The following ADAM29 variants were observed in gnomAD, a reference collection of about 807,000 sequenced individuals.
ADAM29 encodes ADAM metallopeptidase domain 29, also known as disintegrin and metalloproteinase domain-containing protein 29.
For missense variants in ADAM29, 969 were observed against 1,001.8 expected (o/e 0.97, Z 0.44); for synonymous variants, 367 against 342.3 (o/e 1.07, Z -0.80).
intron 2 of ADAM29, among the ~76,000 whole-genome samples, chr4:174,928,402 G>A (rs946141789): frequency 7.9e-5 from 12 of 151,844 alleles, no homozygotes; most frequent in African/African-American, 2.9e-4. Flanking sequence ...GTAACTGACT[G>A]GTTAGTTACT....
At chr4:174,921,751 A>G (rs947430732) in intron 2 of ADAM29, among the ~76,000 whole-genome samples, 1 of 152,170 alleles carries the variant, frequency 6.6e-6, no homozygotes, top group Non-Finnish European at 1.5e-5. Flanking sequence ...AATATATGGA[A>G]GGTGTATTAT....
intron 4 of ADAM29, among the ~76,000 whole-genome samples, chr4:174,956,830 T>A (rs1189010997): frequency 8.6e-5 from 13 of 151,864 alleles, no homozygotes; most frequent in Admixed American, 1.3e-4. Flanking sequence ...CATAAATAGA[T>A]GATTTTATTA....
At chr4:174,965,901 T>C (rs528211531) in intron 4 of ADAM29, among the ~76,000 whole-genome samples, 2 of 152,290 alleles carry the variant, frequency 1.3e-5, no homozygotes, top group South Asian at 4.1e-4. Flanking sequence ...CACAATTTGG[T>C]CCACAGCATT....
chr4:174,934,351 T>C (rs1390947905), intron 3 of ADAM29, among the ~76,000 whole-genome samples: 1 of 152,132 alleles, frequency 6.6e-6, no homozygotes, highest in African/African-American at 2.4e-5. Context: ...ATCATAAAGT[T>C]TGTAGTTTCT....
At chr4:174,927,931 A>G (rs1743614311) in intron 2 of ADAM29, among the ~76,000 whole-genome samples, 1 of 152,146 alleles carries the variant, frequency 6.6e-6, no homozygotes, top group South Asian at 2.1e-4. Flanking sequence ...GGGAGACTTA[A>G]TCCTTTCTGA....
At chr4:174,930,755 A>T (rs543413248) in intron 2 of ADAM29, among the ~76,000 whole-genome samples, 3 of 152,246 alleles carry the variant, frequency 2.0e-5, no homozygotes, top group African/African-American at 7.2e-5. Context: ...GCCCACTAAC[A>T]CTGACAATTT....
chr4:174,957,295 G>A (rs994321306), intron 4 of ADAM29, among the ~76,000 whole-genome samples: 6 of 151,728 alleles, frequency 4.0e-5, no homozygotes, highest in Admixed American at 6.6e-5. Flanking sequence ...TTAATGCTAA[G>A]GATTATATTA....
chr4:174,934,386 G>A (rs1744085330), intron 3 of ADAM29, among the ~76,000 whole-genome samples: 1 of 152,004 alleles, frequency 6.6e-6, no homozygotes, highest in African/African-American at 2.4e-5. Context: ...TTCAGTATCA[G>A]AAATCTCAAA....
intron 4 of ADAM29, among the ~76,000 whole-genome samples, chr4:174,973,837 A>G (rs957063797): frequency 6.6e-6 from 1 of 152,196 alleles, no homozygotes; most frequent in Admixed American, 6.5e-5. Flanking sequence ...AAAAACAACG[A>G]GGCTTTGGTC....
Position 174,975,977 on chromosome 4 carries a change from A to G in ADAM29, c.452A>G (p.Lys151Arg). ...ACCACGTTTGAACATCTGGTATACA[A>G]GATGGACAGTGAGGAGAAACAATTT... is the stretch of plus-strand genomic sequence containing the variant. ...FSTTFEHLVY[K>R]MDSEEKQFST... Residue 151 changes from lysine to arginine, a missense_variant, in exon 5 of 5, where the codon AAG becomes AGG. Transcript: ENST00000359240. The G allele has an allele frequency of 1.9e-6, 3 of 1,614,130 alleles. No individual in the cohort carries two copies. Among genetic ancestry groups the G allele is most frequent in the Non-Finnish European group, 2.5e-6 (3 of 1,180,038 alleles).
chr4:174,942,745 A>T (rs1198679548), intron 4 of ADAM29, among the ~76,000 whole-genome samples: 1 of 152,176 alleles, frequency 6.6e-6, no homozygotes, highest in African/African-American at 2.4e-5. Context: ...GGCTATTAAC[A>T]TTCAGCTTCT....
chr4:174,933,068 G>A (rs900448183), intron 3 of ADAM29, among the ~76,000 whole-genome samples: 1 of 152,146 alleles, frequency 6.6e-6, no homozygotes, highest in African/African-American at 2.4e-5. Context: ...AAAGCAAACG[G>A]CTCTGAGGAT....
chr4:174,975,559 G>T lies in ADAM29; in HGVS notation c.34G>T (p.Val12Leu). ...GTTACTCCTGCTGCATTGCCTTGGG[G>T]TGTTTCTGTCCTGTTCTGGACACAT... ...KMLLLLHCLG[V>L]FLSCSGHIQD... Residue 12 changes from valine to leucine, a missense_variant, in exon 5 of 5, where the codon GTG becomes TTG. Val to Leu is a conservative substitution (Grantham distance 32, BLOSUM62 1). Transcript: ENST00000359240. 1.3e-6 allele frequency: 2 copies of T among 1,531,204 alleles called. No individual in the cohort carries two copies. Among genetic ancestry groups the T allele is most frequent in the Non-Finnish European group, 1.8e-6 (2 of 1,140,934 alleles). The allele number at this position is 1,531,204 out of a possible 1,614,324, so 94.9% of individuals were successfully genotyped here. A position where few individuals can be genotyped will look rare whatever the true frequency, so the allele number is the denominator to read the frequency against.
intron 4 of ADAM29, among the ~76,000 whole-genome samples, chr4:174,974,336 C>T (rs1263828678): frequency 6.6e-6 from 1 of 152,102 alleles, no homozygotes; most frequent in Admixed American, 6.6e-5. Flanking sequence ...TGTCTAGCAC[C>T]CAGTTTGGGA....
chr4:174,953,963 C>T (rs553345193), intron 4 of ADAM29, among the ~76,000 whole-genome samples: 7 of 152,286 alleles, frequency 4.6e-5, no homozygotes, highest in East Asian at 1.9e-4. Flanking sequence ...CCTCCTGCCT[C>T]GGCCTCCCAA....
Position 174,977,340 on chromosome 4 carries a change from G to C in ADAM29, c.1815G>C (p.Gly605=), listed in dbSNP as rs1442291406. The part of the protein sequence containing the change: ...IGEVKDGTEC[G]IDHICIHRHC... ...AAGTGAAAGATGGAACAGAGTGTGG[G>C]ATAGATCATATATGCATCCACAGGC... The change falls in exon 5 of 5, where the codon GGG becomes GGC. Residue 605 remains glycine (G), a synonymous_variant. Coordinates refer to ENST00000359240, the MANE Select transcript of ADAM29 (RefSeq NM_014269.4). 1 of 1,613,448 alleles carries C rather than the reference G, an allele frequency of 6.2e-7. No homozygotes were observed. The highest frequency in any genetic ancestry group is 1.3e-5 in the African/African-American group (1 of 74,908).
At chr4:174,965,973 C>A (rs888384801) in intron 4 of ADAM29, among the ~76,000 whole-genome samples, 1 of 152,166 alleles carries the variant, frequency 6.6e-6, no homozygotes, top group Non-Finnish European at 1.5e-5. Flanking sequence ...CCCTTGATAT[C>A]CAAGGAGGAT....
In ADAM29 at chr4:174,976,440, A is replaced by C; in HGVS notation, c.915A>C (p.Gly305=). Residue 305 remains glycine, a synonymous_variant, in exon 5 of 5, where the codon GGA becomes GGC. Coordinates refer to ENST00000359240, the MANE Select transcript of ADAM29 (RefSeq NM_014269.4). ...RGLSGIGAFR[G]MCTPHRSCAI... is the part of the protein sequence containing the mutation. Reference sequence around the variant, plus strand: ...TAAGTGGCATAGGAGCTTTTAGAGGAATGTGTACACCACACCGTAGTTGTG... The same window carrying C: ...TAAGTGGCATAGGAGCTTTTAGAGGCATGTGTACACCACACCGTAGTTGTG... 1 of 1,601,238 alleles carries C rather than the reference A, an allele frequency of 6.2e-7. No individual in the cohort carries two copies. Among genetic ancestry groups the C allele is most frequent in the Non-Finnish European group, 8.5e-7 (1 of 1,174,834 alleles).
intron 4 of ADAM29, among the ~76,000 whole-genome samples, chr4:174,969,570 A>C (rs1377902043): frequency 6.6e-6 from 1 of 152,012 alleles, no homozygotes; most frequent in Non-Finnish European, 1.5e-5. Context: ...ACAGTAAACT[A>C]TATAAAATAA....
Sources: gnomAD v4.1 joint callset for allele counts (sites outside exome capture counted in the v4.1 genomes callset) on GRCh38, gnomAD v4.1.1 for gene constraint, MANE v1.5 for transcripts, NCBI Gene and HGNC (gene_info 2026-07-23, HGNC 2026-07-21) for gene names.